Variants in DOCK8 observed in about 807,000 individuals in gnomAD.
The protein encoded by DOCK8 is dedicator of cytokinesis protein 8.
In DOCK8, 141 loss-of-function variants were observed where a neutral mutation model predicts 245.6. The ratio of observed to expected loss-of-function variants is 0.57; its 90% CI spans 0.50 to 0.66. DOCK8 has a LOEUF of 0.66. DOCK8 is among the 30% of genes least tolerant of loss of function. The probability of loss-of-function intolerance (pLI) is 0.00; values close to 1 mark genes in which losing one functional copy is unlikely to be tolerated. For missense variants in DOCK8, 2,965 were observed against 2,603.4 expected (o/e 1.14, Z -3.02); for synonymous variants, 1,168 against 970.2 (o/e 1.20, Z -3.79).
At chr9:388,542 C>A (rs936052924) in intron 23 of DOCK8, among the ~76,000 whole-genome samples, 15 of 151,538 alleles carry the variant, frequency 9.9e-5, no homozygotes, top group Non-Finnish European at 1.9e-4. Flanking sequence ...GCGTACTGGA[C>A]TCTGTGGGTA....
chr9:405,951 C>G (rs2131542197), intron 27 of DOCK8, among the ~76,000 whole-genome samples: 1 of 152,352 alleles, frequency 6.6e-6, no homozygotes, highest in Middle Eastern at 3.4e-3. Flanking sequence ...TAAGCTTACC[C>G]TAGGTTCTTT....
chr9:453,717 G>A (rs376162321), intron 46 of DOCK8, among the ~76,000 whole-genome samples: 19 of 152,102 alleles, frequency 1.2e-4, no homozygotes, highest in African/African-American at 3.4e-4. Context: ...ATATACCACC[G>A]TGCCCGGCCC....
At chr9:463,418 C>A in intron 46 of DOCK8, 99 bp from the exon 47 acceptor site, 1 of 1,485,768 alleles carries the variant, frequency 6.7e-7, no homozygotes, top group South Asian at 1.2e-5. Context: ...TGAAAACGTT[C>A]TTAAAGTTAT....
At chr9:437,586 A>G (rs972050015) in intron 39 of DOCK8, among the ~76,000 whole-genome samples, 3 of 152,234 alleles carry the variant, frequency 2.0e-5, no homozygotes, top group Non-Finnish European at 4.4e-5. Context: ...AAAGAATTCT[A>G]GACAGCATTA....
chr9:410,348 G>T (rs2055664514), intron 28 of DOCK8, among the ~76,000 whole-genome samples: 1 of 152,230 alleles, frequency 6.6e-6, no homozygotes, highest in Admixed American at 6.5e-5. Context: ...TTTGCTGAAT[G>T]TTGTGACTGT....
At chr9:370,778 TG>T (rs1243215461) in intron 16 of DOCK8, among the ~76,000 whole-genome samples, 1 of 152,172 alleles carries the variant, frequency 6.6e-6, no homozygotes, top group African/African-American at 2.4e-5. Flanking sequence ...CTATTATTCA[TG>T]TTCCACAGGG....
At chr9:373,664 A>G (rs2053395107) in intron 18 of DOCK8, among the ~76,000 whole-genome samples, 1 of 152,206 alleles carries the variant, frequency 6.6e-6, no homozygotes, top group African/African-American at 2.4e-5. Flanking sequence ...TTCTTTCGCC[A>G]TCTACCGTCT....
intron 1 of DOCK8, among the ~76,000 whole-genome samples, chr9:230,853 C>A (rs1179983551): frequency 2.6e-5 from 4 of 151,976 alleles, no homozygotes; most frequent in Non-Finnish European, 5.9e-5. Context: ...CTGTAGGTTG[C>A]CTGTTCACTC....
At chr9:309,067 G>A (rs187743209) in intron 5 of DOCK8, among the ~76,000 whole-genome samples, 34 of 152,222 alleles carry the variant, frequency 2.2e-4, no homozygotes, top group Middle Eastern at 3.4e-3. Context: ...TTGCTATCAC[G>A]AACAGTGTTT....
intron 26 of DOCK8, among the ~76,000 whole-genome samples, chr9:401,014 C>G (rs1281035374): frequency 6.8e-6 from 1 of 146,432 alleles, no homozygotes; most frequent in Non-Finnish European, 1.5e-5. Context: ...TTAGCTCCAC[C>G]ATGACCACCT....
chr9:419,759 G>A (rs569741154), intron 30 of DOCK8, among the ~76,000 whole-genome samples: 1 of 152,176 alleles, frequency 6.6e-6, no homozygotes, highest in African/African-American at 2.4e-5. Flanking sequence ...ACTTTAAAAT[G>A]AATACTTGTG....
At chr9:420,201 G>A in intron 30 of DOCK8, 200 bp from the exon 31 acceptor site, 1 of 648,992 alleles carries the variant, frequency 1.5e-6, no homozygotes, top group Non-Finnish European at 2.7e-6. Flanking sequence ...TTGCTGAGTA[G>A]CGCTACTCAA....
chr9:294,085 A>G (rs762371027), intron 4 of DOCK8, among the ~76,000 whole-genome samples: 25 of 152,226 alleles, frequency 1.6e-4, no homozygotes, highest in Admixed American at 6.5e-5. Flanking sequence ...ATGTACTTAT[A>G]TATTACAAAC....
intron 1 of DOCK8, among the ~76,000 whole-genome samples, chr9:271,062 A>G (rs1407982321): frequency 1.3e-5 from 2 of 152,230 alleles, no homozygotes; most frequent in African/African-American, 4.8e-5. Context: ...CACATGGGTG[A>G]TGCAAAGGAT....
intron 14 of DOCK8, among the ~76,000 whole-genome samples, chr9:355,171 T>G (rs2052364683): frequency 6.7e-6 from 1 of 150,170 alleles, no homozygotes; most frequent in Admixed American, 6.7e-5. Context: ...CCCATCAGAC[T>G]GGTGTATTTC....
rs7854035 is a variant in DOCK8 at position 429,719 on chromosome 9, T to C, written c.4491T>C (p.Phe1497=). The C allele has an allele frequency of 1, 1,607,906 of 1,614,220 alleles. 800,807 individuals carry two copies. Among genetic ancestry groups the C allele is most frequent in the Middle Eastern group, 1 (6,056 of 6,056 alleles). Residue 1497 remains phenylalanine (F), a synonymous_variant, in exon 36 of 48, where the codon TTT becomes TTC. Transcript: ENST00000432829. ...ALIAKFGDLL[F]EEEVEQCFDL... ...TCTCCTAGTTTGGAGACTTACTCTT[T>C]GAAGAGGAGGTGGAACAGTGTTTCG...
Position 259,005 on chromosome 9 carries a change from G to GA in DOCK8, c.54-12611dup, listed in dbSNP as rs112655646. The stretch of plus-strand genomic sequence containing the variant: ...CCACAGCACAAACATTTTAGAAAAA[G>GA]AAAAAAAAAAACAACTCTCGGTTGA... On this transcript the variant is annotated intron_variant, in intron 1 of 47. Transcript: ENST00000432829. Among the ~76,000 whole-genome samples the GA allele has an allele frequency of 7.9e-3, 1,163 of 148,150 alleles. 10 individuals are homozygous for GA. The highest frequency in any genetic ancestry group is 0.01 in the Non-Finnish European group (683 of 66,786).
intron 6 of DOCK8, among the ~76,000 whole-genome samples, chr9:313,419 T>C (rs1041525321): frequency 6.6e-6 from 1 of 152,264 alleles, no homozygotes; most frequent in Admixed American, 6.5e-5. Context: ...TCTTTTCTTT[T>C]CTTATCCTGA....
rs745488546 is a variant in DOCK8, at chr9:399,222, G to C, written c.3197G>C (p.Gly1066Ala). The change falls in exon 26 of 48, where the codon GGC (glycine) becomes GCC (alanine). Residue 1066 changes from glycine (G) to alanine (A), a missense_variant. Around this residue, in one of 3 missense-constraint regions of DOCK8, gnomAD observed 2,825 missense variants for 2,453.5 expected, o/e 1.15. Coordinates refer to ENST00000432829, the MANE Select transcript of DOCK8 (RefSeq NM_203447.4). ...LYDLLSLMDR[G>A]FVFNLIRHYC... ...GACCTTCTCTCCCTCATGGATCGGG[G>C]CTTTGTGTTTAACCTCATCAGACAT... 12 of 1,613,956 alleles carry C rather than the reference G, an allele frequency of 7.4e-6. No homozygotes were observed. Among genetic ancestry groups the C allele is most frequent in the Non-Finnish European group, 1.0e-5 (12 of 1,179,960 alleles).
Sources: allele counts gnomAD v4.1 joint callset (sites outside exome capture counted in the v4.1 genomes callset), GRCh38; gene constraint gnomAD v4.1.1; regional missense constraint gnomAD v4.1.1; transcripts MANE v1.5; gene names NCBI Gene and HGNC (gene_info 2026-07-23, HGNC 2026-07-21).